Variants in FGF14 observed in about 807,000 individuals in gnomAD.
The protein encoded by FGF14 is fibroblast growth factor homologous factor 4.
Under a neutral mutation model 25.5 loss-of-function variants are expected in FGF14, and 5 were observed. The ratio of observed to expected loss-of-function variants is 0.20; its 90% CI spans 0.10 to 0.41. The LOEUF is 0.41. Ranked by LOEUF, FGF14 falls within the 10% of genes least tolerant of loss-of-function variation. The probability of loss-of-function intolerance (pLI) is 1.00; values close to 1 mark genes in which losing one functional copy is unlikely to be tolerated. For synonymous variants in FGF14, 138 were observed against 118.3 expected (o/e 1.17, Z -1.08); for missense variants, 222 against 320.1 (o/e 0.69, Z 2.34).
chr13:101,788,917 G>GT (rs2040053238), intron 3 of FGF14, among the ~76,000 whole-genome samples: 1 of 23,636 alleles, frequency 4.2e-5, no homozygotes, highest in African/African-American at 9.0e-5. Context: ...TATAGAGAGA[G>GT]AGAGAGAGAG....
upstream of FGF14, among the ~76,000 whole-genome samples, chr13:101,921,290 C>A (rs2033986157): frequency 1.3e-5 from 2 of 152,252 alleles, no homozygotes; most frequent in South Asian, 4.1e-4. Context: ...TCTACTAACA[C>A]CAGCAATTGT....
chr13:102,300,684 G>A, intron 1 of FGF14, among the ~76,000 whole-genome samples: 1 of 152,100 alleles, frequency 6.6e-6, no homozygotes, highest in East Asian at 1.9e-4. Flanking sequence ...TTGAAATACT[G>A]TACCCATTAC....
At chr13:102,133,568 G>A (rs493949) in intron 1 of FGF14, among the ~76,000 whole-genome samples, 4,010 of 152,228 alleles carry the variant, frequency 0.026, 177 homozygotes, top group African/African-American at 0.092. Context: ...AATTCAGAAG[G>A]TAAAATTTCC....
intron 1 of FGF14, among the ~76,000 whole-genome samples, chr13:102,022,322 A>G (rs1032670296): frequency 5.3e-5 from 8 of 152,106 alleles, no homozygotes; most frequent in African/African-American, 1.7e-4. Flanking sequence ...GAGAGGGAAC[A>G]AATTAGGGGC....
intron 1 of FGF14, among the ~76,000 whole-genome samples, chr13:102,015,573 A>G (rs16959605): frequency 0.032 from 4,881 of 152,260 alleles, 255 homozygotes; most frequent in African/African-American, 0.11. Flanking sequence ...CTAAGTGTTC[A>G]CTGGATAGGA....
In FGF14 at chr13:101,788,459, A is replaced by C. The variant is rs143371183; in HGVS notation, c.409-61649T>G. ...ATACATGTGTGTAAGCACTGAGGAA[A>C]ACCCTGAAATATCTGCTAGTATAAT... is the stretch of plus-strand genomic sequence containing the variant. On this transcript the variant is annotated intron_variant, in intron 3 of 4. Transcript: ENST00000376143. Among the ~76,000 whole-genome samples the C allele has an allele frequency of 9.3e-3, 1,417 of 152,252 alleles. 5 individuals are homozygous for C. The highest frequency in any genetic ancestry group is 0.013 in the Non-Finnish European group (878 of 68,014).
chr13:102,221,145 A>C (rs1369520596), intron 1 of FGF14, among the ~76,000 whole-genome samples: 2 of 152,226 alleles, frequency 1.3e-5, no homozygotes, highest in African/African-American at 4.8e-5. Context: ...GTACTCTAGC[A>C]ATGCAAATAA....
chr13:101,985,859 AAAAAAGTTCTCAAAATAGCTTCTTAT>A (rs1273858177), intron 1 of FGF14, among the ~76,000 whole-genome samples: 1 of 152,142 alleles, frequency 6.6e-6, no homozygotes, highest in African/African-American at 2.4e-5. Context: ...ATGTTCTTAA[AAAAAAGTTCTCAAAATAGCTTCTTAT>A]TAGGCTAAGC....
At chr13:102,161,570 A>AAGAAGAAGAAGAAGAAAGAAGAAGAAG in intron 1 of FGF14, among the ~76,000 whole-genome samples, 3 of 5,652 alleles carry the variant, frequency 5.3e-4, no homozygotes, top group Admixed American at 7.8e-3. Flanking sequence ...TTCTGTGAAG[A>AAGAAGAAGAAGAAGAAAGAAGAAGAAG]AAGAAAGAAG....
chr13:101,756,603 C>T (rs1220642691), intron 3 of FGF14, among the ~76,000 whole-genome samples: 1 of 152,110 alleles, frequency 6.6e-6, no homozygotes, highest in Admixed American at 6.5e-5. Flanking sequence ...TGCGGTGGCA[C>T]ATGCCTGTAA....
intron 1 of FGF14, among the ~76,000 whole-genome samples, chr13:102,099,768 T>A (rs2044571688): frequency 6.6e-6 from 1 of 152,004 alleles, no homozygotes; most frequent in African/African-American, 2.4e-5. Flanking sequence ...ATATTAGTAT[T>A]TATTTAATAA....
At chr13:102,107,168 C>T (rs1353702376) in intron 1 of FGF14, among the ~76,000 whole-genome samples, 1 of 152,076 alleles carries the variant, frequency 6.6e-6, no homozygotes, top group Non-Finnish European at 1.5e-5. Context: ...ATTCCTAAAC[C>T]TATTTTTTTA....
intron 1 of FGF14, among the ~76,000 whole-genome samples, chr13:102,127,080 C>T (rs1026303887): frequency 6.6e-6 from 1 of 151,942 alleles, no homozygotes; most frequent in African/African-American, 2.4e-5. Context: ...TCCATTGCAC[C>T]AGGATGCCTG....
chr13:101,835,043 A>G (rs2042854809), intron 3 of FGF14, among the ~76,000 whole-genome samples: 1 of 152,134 alleles, frequency 6.6e-6, no homozygotes, highest in East Asian at 1.9e-4. Flanking sequence ...AAGAATTTGT[A>G]AATCATGACA....
intron 3 of FGF14, among the ~76,000 whole-genome samples, chr13:101,841,055 C>A (rs772329815): frequency 5.9e-5 from 9 of 151,732 alleles, no homozygotes; most frequent in Non-Finnish European, 8.8e-5. Flanking sequence ...CTGTAAGGAA[C>A]CTATGAAATC....
chr13:101,713,559 T>C lies in FGF14; in HGVS notation c.*9272A>G, dbSNP rs983764078. On this transcript the variant is annotated 3_prime_UTR_variant, in exon 5 of 5. Transcript: ENST00000376143. ...TATTTGTTTCTTTTTCATTGTAAAG[T>C]CTTTCCTGCTGTCGTTGAGGCAGTT... 2.0e-5 allele frequency: 3 copies of C among 152,168 alleles called. No individual in the cohort carries two copies. The highest frequency in any genetic ancestry group is 1.3e-4 in the Admixed American group (2 of 15,272). The allele number at this position is 152,168 out of a possible 1,614,324, so 9.4% of individuals were successfully genotyped here.
chr13:102,111,912 T>G (rs2045248531), intron 1 of FGF14, among the ~76,000 whole-genome samples: 1 of 152,242 alleles, frequency 6.6e-6, no homozygotes, highest in African/African-American at 2.4e-5. Flanking sequence ...AGAACTGAAA[T>G]TTTCTTTAGA....
chr13:102,062,736 A>G (rs2042743232), intron 1 of FGF14, among the ~76,000 whole-genome samples: 1 of 152,218 alleles, frequency 6.6e-6, no homozygotes, highest in South Asian at 2.1e-4. Context: ...AATCTGTTCC[A>G]TAGCCAGGCT....
chr13:101,959,564 G>A (rs112983270), intron 1 of FGF14, among the ~76,000 whole-genome samples: 3 of 152,180 alleles, frequency 2.0e-5, no homozygotes, highest in African/African-American at 4.8e-5. Flanking sequence ...AATGCTGCAC[G>A]TGCTGAGCTG....
Sources: allele counts gnomAD v4.1 joint callset (sites outside exome capture counted in the v4.1 genomes callset), GRCh38; gene constraint gnomAD v4.1.1; transcripts MANE v1.5; gene names NCBI Gene and HGNC (gene_info 2026-07-23, HGNC 2026-07-21).